The following AJAP1 variants were observed in gnomAD, a reference collection of about 807,000 sequenced individuals.
The protein encoded by AJAP1 is adherens junction-associated protein 1.
In AJAP1, 5 loss-of-function variants were observed where a neutral mutation model predicts 35.0. That is an observed-to-expected ratio of 0.14 (90% CI 0.07 to 0.30). The LOEUF is 0.30. Among genes scored for constraint, AJAP1 ranks in the 10% least tolerant of loss-of-function variants. The probability of loss-of-function intolerance (pLI) is 1.00; values close to 1 mark genes in which losing one functional copy is unlikely to be tolerated. For missense variants in AJAP1, 586 were observed against 571.0 expected (o/e 1.03, Z -0.27); for synonymous variants, 284 against 249.3 (o/e 1.14, Z -1.31).
chr1:4,770,377 T>A (rs1384685029), intron 3 of AJAP1, among the ~76,000 whole-genome samples: 1 of 152,206 alleles, frequency 6.6e-6, no homozygotes. Context: ...GCCCTGTTTG[T>A]ATTCTTCGTT....
chr1:4,658,390 G>T (rs1638929657), intron 1 of AJAP1, among the ~76,000 whole-genome samples: 1 of 152,222 alleles, frequency 6.6e-6, no homozygotes, highest in Non-Finnish European at 1.5e-5. Flanking sequence ...GGGATCCATT[G>T]GCTTGGCTGT....
At chr1:4,736,671 C>G (rs1165941909) in intron 2 of AJAP1, among the ~76,000 whole-genome samples, 1 of 152,208 alleles carries the variant, frequency 6.6e-6, no homozygotes, top group Non-Finnish European at 1.5e-5. Flanking sequence ...GTATAGCACA[C>G]GGCAGAGCAA....
chr1:4,770,040 C>A, intron 3 of AJAP1, 100 bp downstream of exon 3: 2 of 1,039,412 alleles, frequency 1.9e-6, no homozygotes, highest in Non-Finnish European at 3.0e-6. Flanking sequence ...CCAGCCTGTT[C>A]TGCTGGCTTC....
intron 1 of AJAP1, among the ~76,000 whole-genome samples, chr1:4,665,313 C>A (rs1639092747): frequency 6.6e-6 from 1 of 152,146 alleles, no homozygotes; most frequent in African/African-American, 2.4e-5. Context: ...GCGCCTGGGT[C>A]TCCTGGATGC....
At chr1:4,717,106 C>T (rs571898940) in intron 2 of AJAP1, among the ~76,000 whole-genome samples, 2 of 152,296 alleles carry the variant, frequency 1.3e-5, no homozygotes, top group Admixed American at 6.5e-5. Flanking sequence ...GGTCAGGTTT[C>T]GAATCTGGAA....
intron 1 of AJAP1, among the ~76,000 whole-genome samples, chr1:4,698,573 A>G (rs1639918278): frequency 6.6e-6 from 1 of 152,162 alleles, no homozygotes; most frequent in South Asian, 2.1e-4. Context: ...AGAACCTTCA[A>G]GGTCATTGGC....
intron 1 of AJAP1, among the ~76,000 whole-genome samples, chr1:4,695,879 C>A (rs746947368): frequency 6.6e-6 from 1 of 152,170 alleles, no homozygotes; most frequent in Admixed American, 6.5e-5. Flanking sequence ...CCAAGTCGGC[C>A]CCTAACAGAG....
At chr1:4,694,218 G>T (rs1203331688) in intron 1 of AJAP1, among the ~76,000 whole-genome samples, 2 of 152,118 alleles carry the variant, frequency 1.3e-5, no homozygotes, top group Non-Finnish European at 2.9e-5. Context: ...TCCTTTGCCG[G>T]GGGGGGATGG....
intron 2 of AJAP1, among the ~76,000 whole-genome samples, chr1:4,728,700 G>A (rs544160052): frequency 1.3e-5 from 2 of 152,264 alleles, no homozygotes; most frequent in South Asian, 4.2e-4. Context: ...ACAGCGAAAG[G>A]TCATTTTGCA....
chr1:4,681,084 CAA>C (rs1294345127), intron 1 of AJAP1, among the ~76,000 whole-genome samples: 4 of 152,152 alleles, frequency 2.6e-5, no homozygotes, highest in Admixed American at 6.5e-5. Flanking sequence ...TTAAATAAAT[CAA>C]AGAGACAGGT....
Position 4,769,731 on chromosome 1 carries a change from G to C in AJAP1, c.830-122G>C, listed in dbSNP as rs974178392. On this transcript the variant is annotated intron_variant, in intron 2 of 5. Coordinates refer to ENST00000378191, the MANE Select transcript of AJAP1 (RefSeq NM_018836.4). Reference sequence around the variant, plus strand: ...CCTGTCATGCTGCCCCGAGTTCCCCGCTGCGGATGGGACCTGGCATCCCCA... The same window carrying C: ...CCTGTCATGCTGCCCCGAGTTCCCCCCTGCGGATGGGACCTGGCATCCCCA... 2.1e-5 allele frequency: 17 copies of C among 817,984 alleles called. No individual in the cohort carries two copies. The African/African-American group carries it at 2.7e-4, about 13-fold the overall frequency. 50.7% of individuals were successfully genotyped at this position (817,984 alleles called of 1,614,324 possible).
At chr1:4,683,632 C>T (rs184765751) in intron 1 of AJAP1, among the ~76,000 whole-genome samples, 1 of 152,356 alleles carries the variant, frequency 6.6e-6, no homozygotes, top group African/African-American at 2.4e-5. Flanking sequence ...TGGGTACCCA[C>T]AGTCTTTCCC....
chr1:4,772,151 T>G lies in AJAP1; in HGVS notation c.918-129T>G, dbSNP rs116716557. ...TTGATCTTTCTGAAGAGGCTGGGAA[T>G]TACCGTTTAATATGAAATGATGCGT... On this transcript the variant is annotated intron_variant, in intron 3 of 5. Coordinates refer to ENST00000378191, the MANE Select transcript of AJAP1 (RefSeq NM_018836.4). 3.1e-3 allele frequency: 3,666 copies of G among 1,180,430 alleles called. 85 individuals are homozygous for G. The African/African-American group carries it at 0.05, about 16-fold the overall frequency. 73.1% of individuals were successfully genotyped at this position (1,180,430 alleles called of 1,614,324 possible).
chr1:4,770,416 T>G (rs1426251777), intron 3 of AJAP1, among the ~76,000 whole-genome samples: 3 of 152,180 alleles, frequency 2.0e-5, no homozygotes, highest in Admixed American at 6.5e-5. Flanking sequence ...TGTGCTGAAC[T>G]AGGTTACCGC....
chr1:4,679,257 G>T (rs1639424472), intron 1 of AJAP1, among the ~76,000 whole-genome samples: 1 of 152,136 alleles, frequency 6.6e-6, no homozygotes, highest in Admixed American at 6.6e-5. Flanking sequence ...TTACACATTG[G>T]ATTCTCTCCT....
chr1:4,718,197 C>G (rs1301468045), intron 2 of AJAP1, among the ~76,000 whole-genome samples: 1 of 152,120 alleles, frequency 6.6e-6, no homozygotes, highest in Non-Finnish European at 1.5e-5. Flanking sequence ...CCCAATCAGC[C>G]TGTTAGAGCA....
intron 2 of AJAP1, among the ~76,000 whole-genome samples, chr1:4,755,135 T>G (rs1641399972): frequency 6.6e-6 from 1 of 152,208 alleles, no homozygotes. Context: ...ACCAGGTGAC[T>G]GTCCAAGAGC....
chr1:4,732,811 G>A (rs952773826), intron 2 of AJAP1, among the ~76,000 whole-genome samples: 2 of 152,240 alleles, frequency 1.3e-5, no homozygotes, highest in Non-Finnish European at 2.9e-5. Context: ...CCAGACCAGA[G>A]AGGTGAGAGA....
rs576679050 is a variant in AJAP1 at position 4,677,143 on chromosome 1, G to A, written c.29+21689G>A. 6.2e-4 allele frequency among the ~76,000 whole-genome samples: 94 copies of A among 152,316 alleles called. No homozygotes were observed. The Middle Eastern group carries it at 0.01, about 17-fold the overall frequency. ...CCGCACTTCAGCCTGGGCGACAAAA[G>A]TGAGAATCCGTCTCAAAAAATAAAA... On this transcript the variant is annotated intron_variant, in intron 1 of 5. Coordinates refer to ENST00000378191, the MANE Select transcript of AJAP1 (RefSeq NM_018836.4).
Sources: gnomAD v4.1 joint callset for allele counts (sites outside exome capture counted in the v4.1 genomes callset) on GRCh38, gnomAD v4.1.1 for gene constraint, MANE v1.5 for transcripts, NCBI Gene and HGNC (gene_info 2026-07-23, HGNC 2026-07-21) for gene names.